The following CDH13 variants were observed in gnomAD, a reference collection of about 807,000 sequenced individuals.
The protein encoded by CDH13 is cadherin 13.
Under a neutral mutation model 63.8 loss-of-function variants are expected in CDH13, and 24 were observed. The observed-to-expected ratio is 0.38, with a 90% confidence interval of 0.27 to 0.53. CDH13 has a LOEUF of 0.53. Among genes scored for constraint, CDH13 ranks in the 20% least tolerant of loss-of-function variants. The pLI is 0.85. For missense variants in CDH13, 1,049 were observed against 903.1 expected, an observed-to-expected ratio of 1.16 and a Z score of -2.07; for synonymous variants, 503 against 355.3, an observed-to-expected ratio of 1.42 and a Z score of -4.67.
intron 5 of CDH13, among the ~76,000 whole-genome samples, chr16:83,327,778 T>C (rs1192529955): frequency 1.3e-5 from 2 of 152,110 alleles, no homozygotes; most frequent in African/African-American, 4.8e-5. Flanking sequence ...GAAAACTCTT[T>C]GGAAAAGAAA....
At chr16:83,070,543 A>ACTTC (rs2032355693) in intron 3 of CDH13, among the ~76,000 whole-genome samples, 1 of 152,180 alleles carries the variant, frequency 6.6e-6, no homozygotes, top group African/African-American at 2.4e-5. Context: ...TATTAAAAAA[A>ACTTC]CTATCTTGGT....
chr16:82,837,942 A>T (rs2038838882), intron 1 of CDH13, among the ~76,000 whole-genome samples: 1 of 152,192 alleles, frequency 6.6e-6, no homozygotes, highest in Admixed American at 6.5e-5. Flanking sequence ...CCTTTCCAAC[A>T]TTGCAGTCTG....
rs186662706 is a variant in CDH13, at chr16:83,389,010, C to G, written c.781+44004C>G. Among the ~76,000 whole-genome samples the G allele has an allele frequency of 5.6e-4, 85 of 152,286 alleles. 1 individual carries two copies. Among genetic ancestry groups the G allele is most frequent in the African/African-American group, 1.8e-3 (75 of 41,568 alleles). Reference sequence around the variant, plus strand: ...GAAAAACCCATTCCCAGGCACCACCCTAAAACCAGTCAGAGCCGACAGGGA... The same window carrying G: ...GAAAAACCCATTCCCAGGCACCACCGTAAAACCAGTCAGAGCCGACAGGGA... On this transcript the variant is annotated intron_variant, in intron 6 of 13. Transcript: ENST00000567109.
chr16:82,873,276 G>C (rs1418455829), intron 2 of CDH13, among the ~76,000 whole-genome samples: 1 of 152,158 alleles, frequency 6.6e-6, no homozygotes, highest in Non-Finnish European at 1.5e-5. Flanking sequence ...CATCTCAAAT[G>C]TCTTGCAAAT....
At chr16:83,777,987 A>T (rs1022924483) in intron 11 of CDH13, among the ~76,000 whole-genome samples, 2 of 152,238 alleles carry the variant, frequency 1.3e-5, no homozygotes, top group African/African-American at 4.8e-5. Context: ...AAACGATTGT[A>T]CTACTGTATA....
chr16:83,016,702 G>C (rs552658929), intron 2 of CDH13, among the ~76,000 whole-genome samples: 1 of 152,180 alleles, frequency 6.6e-6, no homozygotes, highest in African/African-American at 2.4e-5. Flanking sequence ...CTGCCATCTA[G>C]AAACATTTCT....
intron 1 of CDH13, among the ~76,000 whole-genome samples, chr16:82,788,463 C>G (rs2036131100): frequency 1.3e-5 from 2 of 151,770 alleles, no homozygotes; most frequent in South Asian, 2.1e-4. Flanking sequence ...TCCAGCGTCA[C>G]TCTCAGAAGA....
chr16:83,010,135 C>CAAAAAAAAAAAAAA lies in CDH13; in HGVS notation c.158-21861_158-21848dup, dbSNP rs67985333. On this transcript the variant is annotated intron_variant, in intron 2 of 13. Transcript: ENST00000567109. ...GGGCAACAAGAGCAAAACTCTGTCT[C>CAAAAAAAAAAAAAA]AAAAAAAAAAAAAAAAAAAAAAAAA... 2.7e-3 allele frequency among the ~76,000 whole-genome samples: 137 copies of CAAAAAAAAAAAAAA among 50,084 alleles called. 1 individual carries two copies. The highest frequency in any genetic ancestry group is 3.4e-3 in the Non-Finnish European group (101 of 29,770). 32.9% of individuals were successfully genotyped at this position (50,084 alleles called of 152,430 possible).
chr16:83,139,363 T>G (rs1180411504), intron 4 of CDH13, among the ~76,000 whole-genome samples: 1 of 152,236 alleles, frequency 6.6e-6, no homozygotes, highest in Non-Finnish European at 1.5e-5. Flanking sequence ...TTCTACTAGC[T>G]AAGAAATGTG....
chr16:83,704,581 C>G (rs1368332453), intron 10 of CDH13, among the ~76,000 whole-genome samples: 1 of 152,192 alleles, frequency 6.6e-6, no homozygotes, highest in African/African-American at 2.4e-5. Context: ...CTGCCACAGG[C>G]TCCAATGCCA....
At chr16:83,298,762 G>C (rs988558095) in intron 5 of CDH13, among the ~76,000 whole-genome samples, 2 of 152,200 alleles carry the variant, frequency 1.3e-5, no homozygotes, top group Non-Finnish European at 2.9e-5. Context: ...CAGTATGCCT[G>C]CTTCACTGAG....
chr16:83,250,561 G>A (rs535679696), intron 5 of CDH13, among the ~76,000 whole-genome samples: 100 of 152,282 alleles, frequency 6.6e-4, no homozygotes, highest in Non-Finnish European at 1.2e-3. Context: ...CCATGCAGAG[G>A]TATGCACTGA....
intron 11 of CDH13, chr16:83,772,826 G>T (rs954767257): frequency 6.6e-6 from 1 of 152,238 alleles, no homozygotes; most frequent in Non-Finnish European, 1.5e-5. Context: ...ATCACAACCA[G>T]ATCCCCTGCA....
At chr16:82,965,152 T>C (rs924192082) in intron 2 of CDH13, among the ~76,000 whole-genome samples, 3 of 152,222 alleles carry the variant, frequency 2.0e-5, no homozygotes, top group Admixed American at 6.5e-5. Context: ...CTGCAGTTTC[T>C]CTCATCCCAC....
chr16:83,323,366 C>T (rs540736032), intron 5 of CDH13, among the ~76,000 whole-genome samples: 12 of 151,144 alleles, frequency 7.9e-5, no homozygotes, highest in Admixed American at 1.3e-4. Flanking sequence ...AGCTCTGACC[C>T]GCCTCCTGGG....
intron 8 of CDH13, among the ~76,000 whole-genome samples, chr16:83,659,787 T>C (rs932544278): frequency 2.9e-5 from 3 of 103,250 alleles, no homozygotes; most frequent in Non-Finnish European, 6.0e-5. Context: ...TCCACAACCT[T>C]TTTTTTTTTT....
rs76715931 is a variant in CDH13, at chr16:83,407,039, G to A, written c.781+62033G>A. 5.4e-3 allele frequency among the ~76,000 whole-genome samples: 825 copies of A among 152,210 alleles called. 3 individuals carry two copies. Among genetic ancestry groups the A allele is most frequent in the Middle Eastern group, 0.031 (9 of 294 alleles). The stretch of plus-strand genomic sequence containing the variant: ...ATGAAAGCTGAATTTTCTAAAATTG[G>A]TCTTGGCCTTCAAAAGATTTCTCAT... On this transcript the variant is annotated intron_variant, in intron 6 of 13. Transcript: ENST00000567109.
At chr16:83,168,935 C>T (rs928203964) in intron 4 of CDH13, among the ~76,000 whole-genome samples, 2 of 152,082 alleles carry the variant, frequency 1.3e-5, no homozygotes, top group African/African-American at 4.8e-5. Flanking sequence ...CTGTTTCCCA[C>T]CAGTCATTAA....
At chr16:83,305,663 G>T (rs1427472845) in intron 5 of CDH13, among the ~76,000 whole-genome samples, 2 of 152,284 alleles carry the variant, frequency 1.3e-5, no homozygotes, top group East Asian at 3.9e-4. Flanking sequence ...AGCCAGATGG[G>T]AGTTTGTATC....
Sources: allele counts gnomAD v4.1 joint callset (sites outside exome capture counted in the v4.1 genomes callset), GRCh38; gene constraint gnomAD v4.1.1; transcripts MANE v1.5; gene names NCBI Gene and HGNC (gene_info 2026-07-23, HGNC 2026-07-21).